Variants in PCDHGA6 observed in about 807,000 individuals in gnomAD.
PCDHGA6 encodes protocadherin gamma-A6.
PCDHGA6 carries 41 observed loss-of-function variants against 60.6 expected under a neutral mutation model. That is an observed-to-expected ratio of 0.68 (90% CI 0.53 to 0.88). PCDHGA6 has a LOEUF of 0.88. Among genes scored for constraint, PCDHGA6 ranks in the 40% least tolerant of loss-of-function variants. The probability of loss-of-function intolerance (pLI) is 0.00; values close to 1 mark genes in which losing one functional copy is unlikely to be tolerated. For synonymous variants in PCDHGA6, 594 were observed against 524.4 expected (o/e 1.13, Z -1.81); for missense variants, 1,312 against 1,203.0 (o/e 1.09, Z -1.34).
chr5:141,408,877 C>T (rs1476847671), intron 1 of PCDHGA6: 4 of 1,613,308 alleles, frequency 2.5e-6, no homozygotes, highest in Admixed American at 3.3e-5. Flanking sequence ...GAAGTGCCAC[C>T]GCTCACATAG....
rs751276470 is a variant in PCDHGA6, at chr5:141,431,560, C to A, written c.2424+55053C>A. 6.2e-7 allele frequency: 1 copy of A among 1,614,104 alleles called. No individual in the cohort carries two copies. On this transcript the variant is annotated intron_variant, in intron 1 of 3. Coordinates refer to ENST00000517434, the MANE Select transcript of PCDHGA6 (RefSeq NM_018919.3). This position sits in a 1 kb window ranked among gnomAD's most constrained non-coding sequence, Gnocchi z 4.8. ...CGCAGCTGCTTGTAGTCAACGCTAC[C>A]GACCCTGACGAAGGAGTCAATGCGG...
At position 141,376,504 on chromosome 5, in the gene PCDHGA6, T is replaced by C; in HGVS notation, c.2421T>C (p.Leu807=). The C allele has an allele frequency of 6.2e-7, 1 of 1,614,034 alleles. No homozygotes were observed. The highest frequency in any genetic ancestry group is 1.3e-5 in the African/African-American group (1 of 75,026). The change falls in exon 1 of 4, where the codon CTT becomes CTC. Residue 807 remains leucine, a synonymous_variant. Transcript: ENST00000517434. ...LLETKGEPRQ[L]QQAPPNTDWR... ...AAACGAAAGGAGAACCCAGGCAACT[T>C]CAGGTGAGTTTCTTTCCGCCTAAGC...
In PCDHGA6 at chr5:141,485,433, A is replaced by G. The variant is rs2099613324; in HGVS notation, c.2425-9374A>G. On this transcript the variant is annotated intron_variant, in intron 1 of 3. Transcript: ENST00000517434. The surrounding 1 kb of genome is among the most constrained non-coding windows in gnomAD (Gnocchi z 5.7). The stretch of plus-strand genomic sequence containing the variant: ...TTGGACAGCGGAGCCCTGCTCATCA[A>G]GAACCCAATCGACCGAGAGGCACTG... 6 of 1,614,208 alleles carry G rather than the reference A, an allele frequency of 3.7e-6. No homozygotes were observed. Among genetic ancestry groups the G allele is most frequent in the Non-Finnish European group, 5.1e-6 (6 of 1,180,030 alleles).
intron 1 of PCDHGA6, chr5:141,399,413 C>T (rs1456440098): frequency 2.5e-5 from 41 of 1,613,930 alleles, no homozygotes; most frequent in Non-Finnish European, 3.2e-5. Context: ...CCGCCCCTCT[C>T]CTCCAGCATA....
rs548263490 is a variant in PCDHGA6, at chr5:141,390,417, A to G, written c.2424+13910A>G. On this transcript the variant is annotated intron_variant, in intron 1 of 3. Transcript: ENST00000517434. ...CATTTTAGGAAAGTTGTAGTCAGTT[A>G]AAAAGCTGTCATATCATTCTACAAA... 4 of 1,127,796 alleles carry G rather than the reference A, an allele frequency of 3.5e-6. No homozygotes were observed. The South Asian group carries it at 4.8e-5, about 13-fold the overall frequency. 69.9% of individuals were successfully genotyped at this position (1,127,796 alleles called of 1,614,324 possible). A position where few individuals can be genotyped will look rare whatever the true frequency, so the allele number is the denominator to read the frequency against.
intron 1 of PCDHGA6, chr5:141,403,617 G>C: frequency 6.2e-7 from 1 of 1,613,856 alleles, no homozygotes; most frequent in Non-Finnish European, 8.5e-7. Flanking sequence ...GAGCCGCGTC[G>C]CTCCAGCACA....
intron 1 of PCDHGA6, chr5:141,430,875 T>A (rs1323872183): frequency 6.3e-7 from 1 of 1,599,400 alleles, no homozygotes; most frequent in Non-Finnish European, 8.5e-7. Context: ...CCGGAAGAGC[T>A]GGAGAAAGGC....
intron 1 of PCDHGA6, among the ~76,000 whole-genome samples, chr5:141,466,387 A>G (rs1312030857): frequency 1.3e-5 from 2 of 152,108 alleles, no homozygotes; most frequent in Non-Finnish European, 2.9e-5. Flanking sequence ...CATCTAATGG[A>G]AAGTTTGCTC....
At chr5:141,389,785 ACGCCGTC>A (rs1561627912) in intron 1 of PCDHGA6, 1 of 1,613,332 alleles carries the variant, frequency 6.2e-7, no homozygotes. Context: ...GGCGACAGGG[ACGCCGTC>A]CGCCAGCGCC....
intron 1 of PCDHGA6, among the ~76,000 whole-genome samples, chr5:141,480,151 C>T (rs543997143): frequency 1.3e-5 from 2 of 152,162 alleles, no homozygotes; most frequent in African/African-American, 4.8e-5. Context: ...TTAGCCAGCT[C>T]CTAGCATTTT....
At chr5:141,482,033 C>G (rs1185284483) in intron 1 of PCDHGA6, among the ~76,000 whole-genome samples, 1 of 149,194 alleles carries the variant, frequency 6.7e-6, no homozygotes, top group African/African-American at 2.5e-5. Flanking sequence ...TGCAGTGAGC[C>G]AAGATCATGC....
At chr5:141,392,273 GC>G (rs1371015127) in intron 1 of PCDHGA6, 1 of 152,178 alleles carries the variant, frequency 6.6e-6, no homozygotes, top group Non-Finnish European at 1.5e-5. Flanking sequence ...TTACAATAAA[GC>G]TTAGAGCACA....
At chr5:141,419,792 G>T (rs1379811891) in intron 1 of PCDHGA6, 15 of 1,613,924 alleles carry the variant, frequency 9.3e-6, no homozygotes, top group African/African-American at 2.7e-5. Flanking sequence ...CCTGCTAGTC[G>T]CTGTAAGAGA....
At chr5:141,422,044 G>C in intron 1 of PCDHGA6, 1 of 1,611,530 alleles carries the variant, frequency 6.2e-7, no homozygotes, top group Admixed American at 1.7e-5. Flanking sequence ...TCCAGACGAG[G>C]GAATCAACGG....
At chr5:141,500,500 C>T (rs6872480) in intron 2 of PCDHGA6, among the ~76,000 whole-genome samples, 1,599 of 152,210 alleles carry the variant, frequency 0.011, 36 homozygotes, top group African/African-American at 0.036. Context: ...TGAGCCACCG[C>T]GCCTGGCCGA....
rs117560542 is a variant in PCDHGA6 at position 141,375,655 on chromosome 5, G to A, written c.1572G>A (p.Gln524=). ...LYALRSFDYE[Q]LRDLQLWVTA... is the part of the protein sequence containing the mutation. ...CCCTGCGCTCCTTCGACTATGAGCA[G>A]TTGAGAGACCTACAGCTGTGGGTGA... is the stretch of plus-strand genomic sequence containing the variant. The change falls in exon 1 of 4, where the codon CAG becomes CAA. Residue 524 remains glutamine, a synonymous_variant. Transcript: ENST00000517434. 2.4e-4 allele frequency: 382 copies of A among 1,614,246 alleles called. 5 individuals are homozygous for A. The East Asian group carries it at 8.3e-3, about 35-fold the overall frequency.
intron 1 of PCDHGA6, among the ~76,000 whole-genome samples, chr5:141,488,738 A>G (rs1462948813): frequency 1.3e-5 from 2 of 152,222 alleles, no homozygotes; most frequent in Non-Finnish European, 2.9e-5. Context: ...TTCTGAAGTC[A>G]TGCAGGAAGT....
intron 1 of PCDHGA6, among the ~76,000 whole-genome samples, chr5:141,447,143 T>G (rs1484774611): frequency 2.6e-5 from 4 of 152,132 alleles, no homozygotes; most frequent in Admixed American, 6.6e-5. Flanking sequence ...TTGTTTTTTG[T>G]TTTTGTTTTT....
rs1418195492 is a variant in PCDHGA6 at position 141,431,459 on chromosome 5, G to T, written c.2424+54952G>T. 4 of 1,613,692 alleles carry T rather than the reference G, an allele frequency of 2.5e-6. No homozygotes were observed. The highest frequency in any genetic ancestry group is 3.4e-6 in the Non-Finnish European group (4 of 1,179,994). Reference sequence around the variant, plus strand: ...CGCGCGCATCCGCGTGATGGTTCTGGATGCGAACGACAACGCACCAGCGTT... The same window carrying T: ...CGCGCGCATCCGCGTGATGGTTCTGTATGCGAACGACAACGCACCAGCGTT... On this transcript the variant is annotated intron_variant, in intron 1 of 3. Transcript: ENST00000517434. This position sits in a 1 kb window ranked among gnomAD's most constrained non-coding sequence, Gnocchi z 4.8.
Sources: allele counts gnomAD v4.1 joint callset (sites outside exome capture counted in the v4.1 genomes callset), GRCh38; gene constraint gnomAD v4.1.1; non-coding constraint Gnocchi (gnomAD v3.1); transcripts MANE v1.5; gene names NCBI Gene and HGNC (gene_info 2026-07-23, HGNC 2026-07-21).